The following SMG6 variants were observed in gnomAD, a reference collection of about 807,000 sequenced individuals.
SMG6 encodes telomerase-binding protein EST1A.
In SMG6, 66 loss-of-function variants were observed where a neutral mutation model predicts 142.2. The observed-to-expected ratio is 0.46, with a 90% confidence interval of 0.38 to 0.57. SMG6 has a LOEUF of 0.57. Among genes scored for constraint, SMG6 ranks in the 20% least tolerant of loss-of-function variants. The pLI, the probability that SMG6 is intolerant of heterozygous loss-of-function variation, is 0.00. For missense variants in SMG6, 1,793 were observed against 1,832.0 expected, an observed-to-expected ratio of 0.98 and a Z score of 0.39; for synonymous variants, 779 against 702.4, an observed-to-expected ratio of 1.11 and a Z score of -1.72.
chr17:2,065,660 G>A lies in SMG6; in HGVS notation c.3855C>T (p.Gly1285=), dbSNP rs952596840. The A allele has an allele frequency of 1.2e-6, 2 of 1,612,922 alleles. No individual in the cohort carries two copies. Among genetic ancestry groups the A allele is most frequent in the African/African-American group, 1.3e-5 (1 of 74,934 alleles). The change falls in exon 17 of 19, where the codon GGC becomes GGT. Residue 1285 remains glycine, a synonymous_variant. Transcript: ENST00000263073. ...GGTCTGTCTCCTGCCCCTTGGCCAG[G>A]CCGTCCAGCTCATTGATCACTGATG... ...VPLIVINELD[G]LAKGQETDHR... is the part of the protein sequence containing the mutation.
chr17:2,091,982 C>T (rs1021021370), intron 13 of SMG6, among the ~76,000 whole-genome samples: 22 of 151,282 alleles, frequency 1.5e-4, no homozygotes, highest in Non-Finnish European at 2.8e-4. Flanking sequence ...GCGCCTGGCC[C>T]CTTTTTCTTT....
At chr17:2,298,098 A>G in intron 2 of SMG6, 43 bp from the exon 3 acceptor site, 1 of 1,537,654 alleles carries the variant, frequency 6.5e-7, no homozygotes, top group Non-Finnish European at 8.7e-7. Context: ...AATACACCAC[A>G]GAAAAAGCTA....
At chr17:2,080,924 C>A (rs544594073) in intron 15 of SMG6, among the ~76,000 whole-genome samples, 2 of 152,140 alleles carry the variant, frequency 1.3e-5, no homozygotes, top group African/African-American at 2.4e-5. Flanking sequence ...CGTGAGCCAC[C>A]GCGCCCGGCC....
intron 13 of SMG6, among the ~76,000 whole-genome samples, chr17:2,107,300 C>T (rs2069181540): frequency 6.6e-6 from 1 of 152,150 alleles, no homozygotes; most frequent in South Asian, 2.1e-4. Context: ...AGGACTGAAA[C>T]CATGATCCCA....
chr17:2,241,529 T>G (rs2073800284), intron 9 of SMG6, among the ~76,000 whole-genome samples: 1 of 152,218 alleles, frequency 6.6e-6, no homozygotes, highest in Non-Finnish European at 1.5e-5. Flanking sequence ...AGATCTCATT[T>G]TCTGGCTTTT....
chr17:2,214,091 A>G (rs963005789), intron 10 of SMG6: 3 of 152,256 alleles, frequency 2.0e-5, no homozygotes, highest in African/African-American at 7.2e-5. Context: ...TAAGGCCCAG[A>G]GATAAGTCTC....
At chr17:2,178,831 G>T (rs559572548) in intron 12 of SMG6, among the ~76,000 whole-genome samples, 4 of 152,142 alleles carry the variant, frequency 2.6e-5, no homozygotes, top group Non-Finnish European at 5.9e-5. Context: ...AGCCCTCGGC[G>T]GCCTCCCTGG....
At chr17:2,112,913 A>G (rs1025853439) in intron 13 of SMG6, among the ~76,000 whole-genome samples, 1 of 151,594 alleles carries the variant, frequency 6.6e-6, no homozygotes, top group African/African-American at 2.4e-5. Flanking sequence ...ATGCGTCACC[A>G]TGCCTGACTA....
chr17:2,191,885 C>T (rs1032995452), intron 10 of SMG6, among the ~76,000 whole-genome samples: 2 of 152,164 alleles, frequency 1.3e-5, no homozygotes, highest in Admixed American at 1.3e-4. Flanking sequence ...GCCATGTGGC[C>T]GGATGTTATG....
intron 13 of SMG6, among the ~76,000 whole-genome samples, chr17:2,166,284 T>G (rs924780113): frequency 2.6e-5 from 4 of 151,964 alleles, no homozygotes; most frequent in African/African-American, 9.7e-5. Context: ...CCTAATCTGT[T>G]CAAAGAAATG....
At position 2,265,978 on chromosome 17, in the gene SMG6, C is replaced by T. The variant is rs139355100; in HGVS notation, c.2661+16669G>A. On this transcript the variant is annotated intron_variant, in intron 8 of 18. Coordinates refer to ENST00000263073, the MANE Select transcript of SMG6 (RefSeq NM_017575.5). ...TGGGCTTCTAATCACCTCTCATTCT[C>T]GTCCCCTGTGCATTTCAGGTGCTTT... 1.2e-5 allele frequency: 12 copies of T among 985,272 alleles called. No individual in the cohort carries two copies. In the East Asian group the frequency reaches 1.1e-3, roughly 93 times the overall value. 61.0% of individuals were successfully genotyped at this position (985,272 alleles called of 1,614,324 possible).
chr17:2,169,468 G>A (rs528707163), intron 13 of SMG6, among the ~76,000 whole-genome samples: 21 of 152,328 alleles, frequency 1.4e-4, no homozygotes, highest in African/African-American at 4.8e-4. Flanking sequence ...TAATAAAGCA[G>A]AGTACCACTT....
Position 2,146,738 on chromosome 17 carries a change from G to T in SMG6, c.3357+25920C>A, listed in dbSNP as rs546193378. 9.7e-4 allele frequency among the ~76,000 whole-genome samples: 148 copies of T among 152,192 alleles called. 1 individual carries two copies. The highest frequency in any genetic ancestry group is 3.4e-3 in the Middle Eastern group (1 of 294). On this transcript the variant is annotated intron_variant, in intron 13 of 18. Coordinates refer to ENST00000263073, the MANE Select transcript of SMG6 (RefSeq NM_017575.5). Reference sequence around the variant, plus strand: ...ATGCTGCCACGCCCGGCTAAGTTTTGTATTTTTAGTAGAAATTGGGTTTCA... The same window carrying T: ...ATGCTGCCACGCCCGGCTAAGTTTTTTATTTTTAGTAGAAATTGGGTTTCA...
In SMG6 at chr17:2,157,878, G is replaced by A. The variant is rs183180748; in HGVS notation, c.3357+14780C>T. On this transcript the variant is annotated intron_variant, in intron 13 of 18. Coordinates refer to ENST00000263073, the MANE Select transcript of SMG6 (RefSeq NM_017575.5). ...AGAACCAGCTGGGTATTGCAATGGC[G>A]ACAAGAAGCTGAATTAGAAATCCCT... Among the ~76,000 whole-genome samples the A allele has an allele frequency of 5.4e-3, 826 of 152,220 alleles. 6 individuals carry two copies. Among genetic ancestry groups the A allele is most frequent in the Non-Finnish European group, 8.0e-3 (541 of 68,020 alleles).
intron 9 of SMG6, among the ~76,000 whole-genome samples, chr17:2,242,691 A>G (rs1273307646): frequency 0.024 from 67 of 2,744 alleles, no homozygotes; most frequent in African/African-American, 0.041. Flanking sequence ...CATCTCTTTA[A>G]AAAAAAAAAA....
intron 8 of SMG6, among the ~76,000 whole-genome samples, chr17:2,274,190 C>G (rs9898390): frequency 0.74 from 111,864 of 152,144 alleles, 41,622 homozygotes; most frequent in African/African-American, 0.79. Context: ...AGAACATATG[C>G]CCTATAAAGT....
chr17:2,253,537 C>T (rs2074096759), intron 8 of SMG6, among the ~76,000 whole-genome samples: 1 of 152,104 alleles, frequency 6.6e-6, no homozygotes, highest in Admixed American at 6.5e-5. Flanking sequence ...CTACCACACA[C>T]GTGTACTGGA....
At chr17:2,113,690 T>C (rs1396109624) in intron 13 of SMG6, among the ~76,000 whole-genome samples, 1 of 152,252 alleles carries the variant, frequency 6.6e-6, no homozygotes, top group African/African-American at 2.4e-5. Context: ...GGAGATCTTA[T>C]TATTTTCACC....
chr17:2,127,405 C>G (rs1282607588), intron 13 of SMG6: 1 of 725,648 alleles, frequency 1.4e-6, no homozygotes, highest in Non-Finnish European at 2.5e-6. Flanking sequence ...TTTTCCCCCC[C>G]TCTTTAAATA....
Sources: gnomAD v4.1 joint callset for allele counts (sites outside exome capture counted in the v4.1 genomes callset) on GRCh38, gnomAD v4.1.1 for gene constraint, MANE v1.5 for transcripts, NCBI Gene and HGNC (gene_info 2026-07-23, HGNC 2026-07-21) for gene names.